PTGFRN: variants seen among roughly 807,000 people sequenced by gnomAD.
PTGFRN encodes prostaglandin F2 receptor negative regulator.
PTGFRN carries 35 observed loss-of-function variants against 83.2 expected under a neutral mutation model. The observed-to-expected ratio is 0.42, with a 90% CI of 0.32 to 0.56. PTGFRN has a LOEUF of 0.56. Among genes scored for constraint, PTGFRN ranks in the 20% least tolerant of loss-of-function variants. The pLI, the probability that PTGFRN is intolerant of heterozygous loss-of-function variation, is 0.11. For missense variants in PTGFRN, 1,051 were observed against 1,179.5 expected (o/e 0.89, Z 1.60); for synonymous variants, 519 against 498.6 (o/e 1.04, Z -0.55).
At chr1:116,985,978 C>T (rs1651466470) in intron 8 of PTGFRN, among the ~76,000 whole-genome samples, 1 of 152,180 alleles carries the variant, frequency 6.6e-6, no homozygotes, top group African/African-American at 2.4e-5. Flanking sequence ...AGTCCAGGGG[C>T]CTCCGAGGAT....
In PTGFRN at chr1:116,984,718, T is replaced by A. The variant is rs78836817; in HGVS notation, c.2206T>A (p.Ser736Thr). The A allele has an allele frequency of 3.1e-6, 5 of 1,614,146 alleles. No individual in the cohort carries two copies. The East Asian group carries it at 6.7e-5, about 22-fold the overall frequency. ...AFDVSWFAVH[S>T]FGLDKAPVLL... is the part of the protein sequence containing the mutation. Reference sequence around the variant, plus strand: ...TGATGTGTCCTGGTTTGCGGTGCACTCTTTTGGCCTGGACAAGGCTCCTGT... The same window carrying A: ...TGATGTGTCCTGGTTTGCGGTGCACACTTTTGGCCTGGACAAGGCTCCTGT... Residue 736 changes from serine to threonine, a missense_variant, in exon 8 of 9, where the codon TCT (serine) becomes ACT (threonine). By Grantham distance (58) the Ser-to-Thr change is moderately conservative (BLOSUM62 1). Around this residue, in one of 3 missense-constraint regions of PTGFRN, gnomAD observed 719 missense variants for 836.6 expected, o/e 0.86. Transcript: ENST00000393203.
chr1:116,981,577 T>TGCCACCACCATCCAGGTGGAC (rs1651319875), intron 7 of PTGFRN, among the ~76,000 whole-genome samples: 1 of 152,208 alleles, frequency 6.6e-6, no homozygotes, highest in Non-Finnish European at 1.5e-5. Flanking sequence ...GAGGCCTGGA[T>TGCCACCACCATCCAGGTGGAC]GCCACCACCA....
chr1:116,936,425 T>C (rs1488053979), intron 1 of PTGFRN, among the ~76,000 whole-genome samples: 1 of 152,246 alleles, frequency 6.6e-6, no homozygotes, highest in Non-Finnish European at 1.5e-5. Flanking sequence ...TCTGTTCATA[T>C]CTGCTTTACT....
chr1:116,958,898 C>T lies in PTGFRN; in HGVS notation c.1214-2345C>T, dbSNP rs1386567320. On this transcript the variant is annotated intron_variant, in intron 4 of 8. Coordinates refer to ENST00000393203, the MANE Select transcript of PTGFRN (RefSeq NM_020440.4). This position sits in a 1 kb window ranked among gnomAD's most constrained non-coding sequence, Gnocchi z 4.9. ...CACAGGAAGGGTCTTATGTGTTGTG[C>T]TTGAAATGGACTTGAGGCTCCATGT... Among the ~76,000 whole-genome samples the T allele has an allele frequency of 2.0e-5, 3 of 152,162 alleles. No homozygotes were observed. Among genetic ancestry groups the T allele is most frequent in the Non-Finnish European group, 4.4e-5 (3 of 68,034 alleles).
chr1:116,989,752 T>G lies in PTGFRN; in HGVS notation c.*2785T>G, dbSNP rs1175349070. On this transcript the variant is annotated 3_prime_UTR_variant, in exon 9 of 9. Coordinates refer to ENST00000393203, the MANE Select transcript of PTGFRN (RefSeq NM_020440.4). The stretch of plus-strand genomic sequence containing the variant: ...GACTTTTTAACAACTGTTGAGATGT[T>G]TCATGGGACAGTAGAACTCTGACTC... The G allele has an allele frequency of 6.6e-6, 1 of 152,648 alleles. No individual in the cohort carries two copies. The highest frequency in any genetic ancestry group is 1.5e-5 in the Non-Finnish European group (1 of 68,034). The allele number at this position is 152,648 out of a possible 1,614,324, so 9.5% of individuals were successfully genotyped here.
At chr1:116,966,152 CGTT>C (rs1557745781) in intron 5 of PTGFRN, among the ~76,000 whole-genome samples, 1 of 152,214 alleles carries the variant, frequency 6.6e-6, no homozygotes, top group African/African-American at 2.4e-5. Context: ...AAGTGCCTGA[CGTT>C]GTGCTACTAT....
Position 116,986,791 on chromosome 1 carries a change from T to A in PTGFRN, c.2474-10T>A, listed in dbSNP as rs756993323. On this transcript the variant is annotated splice_polypyrimidine_tract_variant and intron_variant, in intron 8 of 8. Transcript: ENST00000393203. ...ACTGACTGGCTTCCCCTTTGATCTC[T>A]CCCTCCCAGTGCTGAACGCCTTCAA... The A allele has an allele frequency of 1.2e-6, 2 of 1,613,536 alleles. No homozygotes were observed. Among genetic ancestry groups the A allele is most frequent in the South Asian group, 2.2e-5 (2 of 91,080 alleles).
rs1650384527 is a variant in PTGFRN, at chr1:116,952,799, G to T, written c.1213+3227G>T. On this transcript the variant is annotated intron_variant, in intron 4 of 8. Coordinates refer to ENST00000393203, the MANE Select transcript of PTGFRN (RefSeq NM_020440.4). This position sits in a 1 kb window ranked among gnomAD's most constrained non-coding sequence, Gnocchi z 4.0. ...GCTTTCAACTGTTCTTTTACAAAAG[G>T]CCCTAAATGATGGTTTAAATGGATG... Among the ~76,000 whole-genome samples the T allele has an allele frequency of 6.6e-6, 1 of 152,156 alleles. No individual in the cohort carries two copies. Among genetic ancestry groups the T allele is most frequent in the Non-Finnish European group, 1.5e-5 (1 of 68,024 alleles).
At chr1:116,922,532 G>T (rs1436419217) in intron 1 of PTGFRN, among the ~76,000 whole-genome samples, 1 of 152,190 alleles carries the variant, frequency 6.6e-6, no homozygotes, top group Non-Finnish European at 1.5e-5. Context: ...ATTGGGGAAG[G>T]TACCTTTGTT....
chr1:116,915,976 C>T (rs998596019), intron 1 of PTGFRN, among the ~76,000 whole-genome samples: 5 of 152,160 alleles, frequency 3.3e-5, no homozygotes, highest in African/African-American at 9.7e-5. Context: ...ACTATTTCTC[C>T]CCACACCAAC....
At chr1:116,916,651 G>T (rs1570642333) in intron 1 of PTGFRN, among the ~76,000 whole-genome samples, 1 of 152,304 alleles carries the variant, frequency 6.6e-6, no homozygotes, top group East Asian at 1.9e-4. Context: ...TCCTGTGTGT[G>T]CTATGATTTG....
intron 1 of PTGFRN, among the ~76,000 whole-genome samples, chr1:116,927,395 A>T (rs1000535961): frequency 6.6e-6 from 1 of 152,212 alleles, no homozygotes; most frequent in African/African-American, 2.4e-5. Context: ...AAGCAATGTC[A>T]TAGTTATATG....
chr1:116,925,182 C>T (rs1306973613), intron 1 of PTGFRN, among the ~76,000 whole-genome samples: 1 of 152,140 alleles, frequency 6.6e-6, no homozygotes, highest in Non-Finnish European at 1.5e-5. Context: ...AATCCCAGCA[C>T]TTTGGGAGGC....
In PTGFRN at chr1:116,969,612, C is replaced by T. The variant is rs146889437; in HGVS notation, c.2059+2282C>T. On this transcript the variant is annotated intron_variant, in intron 6 of 8. Coordinates refer to ENST00000393203, the MANE Select transcript of PTGFRN (RefSeq NM_020440.4). ...GTACATCCATGTGACTTTTAGGATC[C>T]GCCTGTTAATTTCTACAGTCCAGGC... Among the ~76,000 whole-genome samples the T allele has an allele frequency of 4.1e-3, 626 of 152,176 alleles. 10 individuals are homozygous for T. The highest frequency in any genetic ancestry group is 0.036 in the East Asian group (187 of 5,192).
At chr1:116,915,443 T>A (rs1649381623) in intron 1 of PTGFRN, among the ~76,000 whole-genome samples, 1 of 152,244 alleles carries the variant, frequency 6.6e-6, no homozygotes, top group Non-Finnish European at 1.5e-5. Context: ...TAACAGTCTT[T>A]GAAGTGCTGT....
chr1:116,922,829 C>G (rs1317681683), intron 1 of PTGFRN, among the ~76,000 whole-genome samples: 1 of 152,146 alleles, frequency 6.6e-6, no homozygotes, highest in African/African-American at 2.4e-5. Context: ...TCCCAAGTAC[C>G]CCTCCCACCA....
At chr1:116,949,622 C>T (rs1013002914) in intron 4 of PTGFRN, 50 bp downstream of exon 4, 51 of 1,556,394 alleles carry the variant, frequency 3.3e-5, no homozygotes, top group Admixed American at 1.7e-4. Context: ...AACCCCTCCT[C>T]GGAGTTATCT....
intron 8 of PTGFRN, among the ~76,000 whole-genome samples, chr1:116,986,106 G>A (rs1175626982): frequency 1.3e-5 from 2 of 152,158 alleles, no homozygotes; most frequent in Admixed American, 1.3e-4. Context: ...TGGGATAATA[G>A]TCTTCTATGG....
chr1:116,976,544 C>A (rs111487057), intron 7 of PTGFRN, among the ~76,000 whole-genome samples: 8,998 of 152,280 alleles, frequency 0.059, 335 homozygotes, highest in Non-Finnish European at 0.08. Flanking sequence ...ACTCTACAAG[C>A]CAGAAGAGAG....
Sources: gnomAD v4.1 joint callset for allele counts (sites outside exome capture counted in the v4.1 genomes callset) on GRCh38, gnomAD v4.1.1 for gene constraint, gnomAD v4.1.1 regional missense constraint, Gnocchi (gnomAD v3.1) non-coding constraint, MANE v1.5 for transcripts, NCBI Gene and HGNC (gene_info 2026-07-23, HGNC 2026-07-21) for gene names.